The following CASD1 variants were observed in gnomAD, a reference collection of about 807,000 sequenced individuals.
The protein encoded by CASD1 is CAS1 domain sialic acid O acetyltransferase 1.
CASD1 carries 41 observed loss-of-function variants against 100.0 expected under a neutral mutation model. The ratio of observed to expected loss-of-function variants is 0.41; its 90% CI spans 0.32 to 0.53. The LOEUF (loss-of-function observed/expected upper bound fraction) is 0.53. Ranked by LOEUF, CASD1 falls within the 20% of genes least tolerant of loss-of-function variation. The pLI, the probability that CASD1 is intolerant of heterozygous loss-of-function variation, is 0.25. For synonymous variants in CASD1, 321 were observed against 315.6 expected (o/e 1.02, Z -0.18); for missense variants, 774 against 948.7 (o/e 0.82, Z 2.42).
the CASD1 span, among the ~76,000 whole-genome samples, chr7:94,610,542 CTAAAACTA>C: frequency 2.0e-5 from 3 of 152,010 alleles, no homozygotes; most frequent in African/African-American, 7.2e-5. Context: ...ACTTTAAGAG[CTAAAACTA>C]TTAAACTCTG....
rs752332666 is a variant in CASD1 at position 94,555,681 on chromosome 7, A to G, written c.2317A>G (p.Lys773Glu). ...TCCTAAAGATAACTCATCTCTCTTGAAAAGGTTGGCATGTATAGCTGCATT... is the reference window on the plus strand; with the variant it reads ...TCCTAAAGATAACTCATCTCTCTTGGAAAGGTTGGCATGTATAGCTGCATT... ...IIPKDNSSLL[K>E]RLACIAAFFC... Residue 773 changes from lysine to glutamate, a missense_variant, in exon 18 of 18, where the codon AAA (lysine) becomes GAA (glutamate). Physicochemically the swap from Lys to Glu is moderately conservative, Grantham distance 56. Around this residue, in one of 5 missense-constraint regions of CASD1, gnomAD observed 175 missense variants for 206.9 expected, o/e 0.85. Coordinates refer to ENST00000297273, the MANE Select transcript of CASD1 (RefSeq NM_022900.5). 1.2e-6 allele frequency: 2 copies of G among 1,613,360 alleles called. No individual in the cohort carries two copies. The highest frequency in any genetic ancestry group is 2.2e-5 in the South Asian group (2 of 91,070).
the CASD1 span, among the ~76,000 whole-genome samples, chr7:94,577,387 T>A: frequency 6.6e-6 from 1 of 152,348 alleles, no homozygotes; most frequent in East Asian, 1.9e-4. Context: ...AAGTCTCTGC[T>A]TAGTTATCTT....
At chr7:94,588,119 AT>A in the CASD1 span, 1 of 1,162,420 alleles carries the variant, frequency 8.6e-7, no homozygotes, top group South Asian at 3.4e-5. Context: ...GCTGTGGAAA[AT>A]TTTTAGGGAC....
chr7:94,521,520 CTTAAG>C (rs1794270048), intron 3 of CASD1, among the ~76,000 whole-genome samples: 3 of 151,790 alleles, frequency 2.0e-5, no homozygotes, highest in South Asian at 2.1e-4. Flanking sequence ...TTTTTTAAAA[CTTAAG>C]TTAAAGATGC....
intron 10 of CASD1, among the ~76,000 whole-genome samples, chr7:94,543,327 G>A (rs1347608066): frequency 1.3e-5 from 2 of 152,106 alleles, no homozygotes; most frequent in East Asian, 3.9e-4. Flanking sequence ...CTCAATTACT[G>A]TATTGAGCAC....
downstream of CASD1, among the ~76,000 whole-genome samples, chr7:94,560,714 G>C (rs1024832854): frequency 1.2e-4 from 19 of 152,112 alleles, no homozygotes; most frequent in Non-Finnish European, 2.1e-4. Context: ...ACATTACTGG[G>C]GAAAGGTAGA....
chr7:94,585,584 A>G, the CASD1 span: 1 of 1,008,778 alleles, frequency 9.9e-7, no homozygotes, highest in Non-Finnish European at 1.6e-6. Context: ...TTTTGAGCAA[A>G]GCAAATTATG....
the CASD1 span, chr7:94,628,390 G>A: frequency 6.4e-7 from 1 of 1,557,546 alleles, no homozygotes; most frequent in Non-Finnish European, 8.8e-7. Context: ...TAAGACATAA[G>A]ACAGTTATTT....
chr7:94,593,670 G>GT, the CASD1 span, among the ~76,000 whole-genome samples: 1 of 151,940 alleles, frequency 6.6e-6, no homozygotes, highest in East Asian at 1.9e-4. Flanking sequence ...TCCTCAGGCA[G>GT]TTTAAGGAGG....
chr7:94,585,162 C>T, the CASD1 span: 2 of 244,754 alleles, frequency 8.2e-6, no homozygotes, highest in South Asian at 9.1e-5. Context: ...CTGTTTCTAG[C>T]GATTAAAAGA....
At chr7:94,532,817 T>TA (rs1012587676) in intron 5 of CASD1, among the ~76,000 whole-genome samples, 3 of 152,186 alleles carry the variant, frequency 2.0e-5, no homozygotes, top group African/African-American at 7.2e-5. Flanking sequence ...ATTTAACACT[T>TA]ACACTGTGTA....
At chr7:94,570,620 G>C in the CASD1 span, among the ~76,000 whole-genome samples, 5 of 152,118 alleles carry the variant, frequency 3.3e-5, no homozygotes, top group East Asian at 9.7e-4. Flanking sequence ...CCAGCCTCCT[G>C]AGTAGCTGGG....
the CASD1 span, chr7:94,629,981 T>C: frequency 1.0e-5 from 9 of 902,082 alleles, no homozygotes; most frequent in Admixed American, 2.2e-4. Context: ...GCAAGGAAAC[T>C]GTTAATAACA....
chr7:94,545,785 T>C (rs1795648980), intron 12 of CASD1, 84 bp downstream of exon 12: 1 of 835,402 alleles, frequency 1.2e-6, no homozygotes, highest in African/African-American at 1.7e-5. Flanking sequence ...GATATTATTT[T>C]TATTAAGTGA....
the CASD1 span, among the ~76,000 whole-genome samples, chr7:94,573,991 T>C: frequency 2.6e-5 from 4 of 152,214 alleles, no homozygotes; most frequent in African/African-American, 7.2e-5. Context: ...GATAACCATA[T>C]GGTTTTTGTC....
At chr7:94,546,918 GT>G (rs1285216336) in intron 12 of CASD1, among the ~76,000 whole-genome samples, 177 bp from the exon 13 acceptor site, 1 of 151,594 alleles carries the variant, frequency 6.6e-6, no homozygotes, top group Non-Finnish European at 1.5e-5. Flanking sequence ...AGAATCCTTT[GT>G]TTTTCTTTTT....
Position 94,510,024 on chromosome 7 carries a change from CT to C in CASD1, c.-60del. The C allele has an allele frequency of 2.1e-6, 3 of 1,436,476 alleles. No individual in the cohort carries two copies. In the Admixed American group the frequency reaches 7.1e-5, roughly 34 times the overall value. 89.0% of individuals were successfully genotyped at this position (1,436,476 alleles called of 1,614,324 possible). The stretch of plus-strand genomic sequence containing the variant: ...GGCTGCAGCGGCGGCAGCCCCAGTG[CT>C]GCCCCTGTGCGGCGCCCCTTTCCCG... On this transcript the variant is annotated 5_prime_UTR_variant, in exon 1 of 18. Transcript: ENST00000297273.
At chr7:94,587,066 C>G in the CASD1 span, 4 of 984,944 alleles carry the variant, frequency 4.1e-6, no homozygotes, top group Non-Finnish European at 4.8e-6. Context: ...TTGACTCAAG[C>G]AAAATACCTG....
chr7:94,510,827 C>T lies in CASD1; in HGVS notation c.133+610C>T, dbSNP rs557691077. Reference sequence around the variant, plus strand: ...GTGGCCAAATGGAAGAGGTGCCACCCAGCTTTTGTGATGCAGAAACGTTTA... The same window carrying T: ...GTGGCCAAATGGAAGAGGTGCCACCTAGCTTTTGTGATGCAGAAACGTTTA... On this transcript the variant is annotated intron_variant, in intron 1 of 17. Transcript: ENST00000297273. Among the ~76,000 whole-genome samples the T allele has an allele frequency of 1.0e-4, 16 of 152,388 alleles. No homozygotes were observed. In the South Asian group the frequency reaches 2.9e-3, roughly 28 times the overall value.
Sources: gnomAD v4.1 joint callset for allele counts (sites outside exome capture counted in the v4.1 genomes callset) on GRCh38, gnomAD v4.1.1 for gene constraint, gnomAD v4.1.1 regional missense constraint, MANE v1.5 for transcripts, NCBI Gene and HGNC (gene_info 2026-07-23, HGNC 2026-07-21) for gene names.